FHOD3: variants seen among roughly 807,000 people sequenced by gnomAD.
FHOD3 encodes the protein formin homology 2 domain containing 3, also known as FH1/FH2 domain-containing protein 3.
A neutral mutation model predicts 173.0 loss-of-function variants in FHOD3; 90 were observed. The ratio of observed to expected loss-of-function variants is 0.52; its 90% CI spans 0.44 to 0.62. The LOEUF (loss-of-function observed/expected upper bound fraction) is 0.62, where lower values mean the gene tolerates loss of function less well. FHOD3 is among the 20% of genes least tolerant of loss of function. The pLI is 0.00. For synonymous variants in FHOD3, 828 were observed against 823.0 expected, an observed-to-expected ratio of 1.01 and a Z score of -0.10; for missense variants, 1,945 against 2,034.7, an observed-to-expected ratio of 0.96 and a Z score of 0.85.
chr18:36,750,712 G>A (rs2042367537), intron 24 of FHOD3, among the ~76,000 whole-genome samples: 1 of 152,218 alleles, frequency 6.6e-6, no homozygotes, highest in Non-Finnish European at 1.5e-5. Context: ...TGACTAGCCA[G>A]TTATCCCAGC....
intron 1 of FHOD3, among the ~76,000 whole-genome samples, chr18:36,341,474 C>T (rs2045615213): frequency 6.6e-6 from 1 of 152,136 alleles, no homozygotes; most frequent in African/African-American, 2.4e-5. Context: ...TGCTTTTCAT[C>T]TTGATGTATT....
chr18:36,440,790 C>T (rs1057142118), intron 3 of FHOD3, among the ~76,000 whole-genome samples: 22 of 152,206 alleles, frequency 1.4e-4, no homozygotes, highest in Non-Finnish European at 2.4e-4. Context: ...GCTCAGTAGT[C>T]GCATTCCCTT....
chr18:36,769,216 T>G lies in FHOD3; in HGVS notation c.4625-49T>G, dbSNP rs777627385. On this transcript the variant is annotated intron_variant, in intron 27 of 28. Transcript: ENST00000590592. ...GAGGAATACTGCTGCATATATCTTTTGTGTTTTCCTTCTGAGTATGTTGTG... is the reference window on the plus strand; with the variant it reads ...GAGGAATACTGCTGCATATATCTTTGGTGTTTTCCTTCTGAGTATGTTGTG... 41 of 1,593,420 alleles carry G rather than the reference T, an allele frequency of 2.6e-5. No individual in the cohort carries two copies. In the East Asian group the frequency reaches 8.3e-4, roughly 32 times the overall value.
intron 7 of FHOD3, among the ~76,000 whole-genome samples, chr18:36,599,074 T>C (rs1004452399): frequency 3.3e-5 from 5 of 152,196 alleles, no homozygotes; most frequent in African/African-American, 1.2e-4. Flanking sequence ...TTAGAGAGCC[T>C]TGCTTTGTCA....
intron 9 of FHOD3, among the ~76,000 whole-genome samples, chr18:36,624,175 G>C (rs2033918689): frequency 6.6e-6 from 1 of 152,180 alleles, no homozygotes; most frequent in South Asian, 2.1e-4. Flanking sequence ...TCCTGTGAGA[G>C]AATGGATAGG....
intron 6 of FHOD3, among the ~76,000 whole-genome samples, chr18:36,585,324 A>G (rs1035592022): frequency 2.0e-5 from 3 of 152,190 alleles, no homozygotes; most frequent in Admixed American, 6.5e-5. Context: ...TTGTGGGTAT[A>G]AAGTGCCAGC....
intron 3 of FHOD3, among the ~76,000 whole-genome samples, chr18:36,374,282 C>T (rs2047328840): frequency 6.6e-6 from 1 of 152,150 alleles, no homozygotes; most frequent in South Asian, 2.1e-4. Flanking sequence ...ACATCTTATC[C>T]TGTGGCATGC....
intron 1 of FHOD3, among the ~76,000 whole-genome samples, chr18:36,342,796 A>G (rs2045688353): frequency 6.6e-6 from 1 of 152,242 alleles, no homozygotes; most frequent in Non-Finnish European, 1.5e-5. Context: ...CTTGTATTAG[A>G]ATAAATAAGA....
intron 1 of FHOD3, among the ~76,000 whole-genome samples, chr18:36,341,017 G>T (rs976134005): frequency 2.6e-5 from 4 of 152,082 alleles, no homozygotes; most frequent in African/African-American, 7.2e-5. Context: ...CCTCTTCCTT[G>T]TATTCTCTTG....
chr18:36,483,274 G>A (rs2054024753), intron 3 of FHOD3, among the ~76,000 whole-genome samples: 1 of 152,200 alleles, frequency 6.6e-6, no homozygotes, highest in African/African-American at 2.4e-5. Flanking sequence ...GCAGAAAAGT[G>A]TGGCTGATGG....
chr18:36,352,918 C>T (rs984087213), intron 1 of FHOD3, among the ~76,000 whole-genome samples: 3 of 152,182 alleles, frequency 2.0e-5, no homozygotes, highest in African/African-American at 7.2e-5. Flanking sequence ...GTCCACTGTA[C>T]GTGTCAACAG....
chr18:36,415,162 G>A (rs1182282422), intron 3 of FHOD3, among the ~76,000 whole-genome samples: 1 of 152,186 alleles, frequency 6.6e-6, no homozygotes, highest in Non-Finnish European at 1.5e-5. Context: ...TGCAGGCTGA[G>A]GTGGGGCAAG....
chr18:36,403,108 C>T (rs2048903823), intron 3 of FHOD3, among the ~76,000 whole-genome samples: 1 of 152,154 alleles, frequency 6.6e-6, no homozygotes, highest in Non-Finnish European at 1.5e-5. Context: ...CAGTGAAAAT[C>T]CTCTAAGACC....
chr18:36,767,517 A>C (rs969511076), intron 27 of FHOD3, among the ~76,000 whole-genome samples: 1 of 152,060 alleles, frequency 6.6e-6, no homozygotes, highest in Non-Finnish European at 1.5e-5. Context: ...ATGGGGTTTC[A>C]CTGTGTTGGC....
chr18:36,319,572 G>A (rs2144899231), intron 1 of FHOD3, among the ~76,000 whole-genome samples: 1 of 152,306 alleles, frequency 6.6e-6, no homozygotes, highest in South Asian at 2.1e-4. Flanking sequence ...ATATTAGACA[G>A]ATCAATGAGA....
At chr18:36,410,765 C>T (rs921591858) in intron 3 of FHOD3, among the ~76,000 whole-genome samples, 1 of 152,174 alleles carries the variant, frequency 6.6e-6, no homozygotes, top group Non-Finnish European at 1.5e-5. Flanking sequence ...TGACATTGAG[C>T]ATCTTCTCAT....
chr18:36,673,461 T>G (rs182605450), intron 14 of FHOD3, among the ~76,000 whole-genome samples: 114 of 152,264 alleles, frequency 7.5e-4, no homozygotes, highest in African/African-American at 2.6e-3. Flanking sequence ...GAAAAAACAA[T>G]GTAAGCCATT....
intron 3 of FHOD3, among the ~76,000 whole-genome samples, chr18:36,388,257 CCAAGCTAAACAGGA>C (rs1453847334): frequency 6.6e-6 from 1 of 152,098 alleles, no homozygotes; most frequent in East Asian, 1.9e-4. Flanking sequence ...GACACAGGGC[CCAAGCTAAACAGGA>C]AAAGCGAAAC....
At position 36,744,291 on chromosome 18, in the gene FHOD3, G is replaced by A. The variant is rs558619506; in HGVS notation, c.4041+98G>A. 1.4e-4 allele frequency: 171 copies of A among 1,231,090 alleles called. 3 individuals carry two copies. The East Asian group carries it at 1.6e-3, about 11-fold the overall frequency. The allele number at this position is 1,231,090 out of a possible 1,614,324, so 76.3% of individuals were successfully genotyped here. ...GAACACGAGCCCTATTAAGTAAAAT[G>A]CCCAAGTGCTGCCTGCATTCTCTGC... is the stretch of plus-strand genomic sequence containing the variant. On this transcript the variant is annotated intron_variant, in intron 23 of 28. Coordinates refer to ENST00000590592, the MANE Select transcript of FHOD3 (RefSeq NM_001281740.3).
Sources: allele counts gnomAD v4.1 joint callset (sites outside exome capture counted in the v4.1 genomes callset), GRCh38; gene constraint gnomAD v4.1.1; transcripts MANE v1.5; gene names NCBI Gene and HGNC (gene_info 2026-07-23, HGNC 2026-07-21).